Variants in HDAC9 observed in about 807,000 individuals in gnomAD.
HDAC9 encodes the protein MEF-2 interacting transcription repressor (MITR) protein.
HDAC9 carries 41 observed loss-of-function variants against 139.4 expected under a neutral mutation model. The observed-to-expected ratio is 0.29, with a 90% CI of 0.23 to 0.38. The LOEUF is 0.38. HDAC9 is among the 10% of genes least tolerant of loss of function. The pLI, the probability that HDAC9 is intolerant of heterozygous loss-of-function variation, is 1.00. For synonymous variants in HDAC9, 517 were observed against 476.2 expected (o/e 1.09, Z -1.12); for missense variants, 1,147 against 1,297.0 (o/e 0.88, Z 1.78).
At chr7:18,749,705 C>T (rs1424400741) in intron 14 of HDAC9, among the ~76,000 whole-genome samples, 1 of 152,054 alleles carries the variant, frequency 6.6e-6, no homozygotes, top group African/African-American at 2.4e-5. Flanking sequence ...GAAAAATATA[C>T]CTTTTTATGC....
At chr7:18,274,015 C>A (rs947535241) in intron 2 of HDAC9, among the ~76,000 whole-genome samples, 9 of 152,058 alleles carry the variant, frequency 5.9e-5, no homozygotes, top group African/African-American at 1.9e-4. Context: ...GAGAAAATTT[C>A]ACCTATATAT....
chr7:18,856,246 A>G (rs1797668611), intron 21 of HDAC9, among the ~76,000 whole-genome samples: 1 of 152,184 alleles, frequency 6.6e-6, no homozygotes, highest in Non-Finnish European at 1.5e-5. Flanking sequence ...ACTGCAGATC[A>G]AGTCCCTAAA....
At chr7:18,841,772 C>G (rs796735586) in intron 21 of HDAC9, among the ~76,000 whole-genome samples, 2 of 152,206 alleles carry the variant, frequency 1.3e-5, no homozygotes, top group African/African-American at 2.4e-5. Flanking sequence ...AAAATTTAGA[C>G]TTTCACTACC....
chr7:18,866,079 C>G (rs1004980986), intron 21 of HDAC9, among the ~76,000 whole-genome samples: 1 of 147,686 alleles, frequency 6.8e-6, no homozygotes, highest in African/African-American at 2.5e-5. Context: ...AGTGTCCTCA[C>G]AGTGGCCTAC....
chr7:18,619,448 A>G (rs1305883137), intron 6 of HDAC9, among the ~76,000 whole-genome samples: 1 of 152,196 alleles, frequency 6.6e-6, no homozygotes, highest in African/African-American at 2.4e-5. Flanking sequence ...CACAAGATCA[A>G]TGATTACATT....
chr7:18,482,149 A>G (rs1384870082), intron 1 of HDAC9, among the ~76,000 whole-genome samples: 1 of 151,832 alleles, frequency 6.6e-6, no homozygotes, highest in Non-Finnish European at 1.5e-5. Flanking sequence ...AAGGTGATGG[A>G]AAAGATCATA....
At chr7:18,797,566 G>T (rs1457522900) in intron 17 of HDAC9, among the ~76,000 whole-genome samples, 8 of 152,052 alleles carry the variant, frequency 5.3e-5, no homozygotes, top group Non-Finnish European at 8.8e-5. Context: ...AGTGGTTCAT[G>T]CCTGTAATCC....
At chr7:18,175,444 C>G (rs1788810936) in intron 2 of HDAC9, among the ~76,000 whole-genome samples, 1 of 152,196 alleles carries the variant, frequency 6.6e-6, no homozygotes, top group Non-Finnish European at 1.5e-5. Flanking sequence ...CCTGCTTCAG[C>G]TCACCCTCCA....
chr7:18,960,227 C>G (rs1217287963), intron 24 of HDAC9, among the ~76,000 whole-genome samples: 2 of 152,120 alleles, frequency 1.3e-5, no homozygotes, highest in Non-Finnish European at 2.9e-5. Flanking sequence ...AGAGCACACT[C>G]TCACACATTC....
exon 1 of HDAC9, chr7:18,290,488 G>T (rs1057292479): frequency 1.5e-5 from 7 of 456,426 alleles, no homozygotes; most frequent in Non-Finnish European, 8.8e-6. Flanking sequence ...AGCACACTTT[G>T]GCAAAGAGGG....
chr7:18,527,771 G>A (rs866399145), intron 2 of HDAC9, among the ~76,000 whole-genome samples: 1 of 151,858 alleles, frequency 6.6e-6, no homozygotes, highest in African/African-American at 2.4e-5. Flanking sequence ...ATTTTTTCTA[G>A]TTTCAAATCT....
chr7:18,681,145 A>G (rs756768553), intron 12 of HDAC9, among the ~76,000 whole-genome samples: 2 of 152,020 alleles, frequency 1.3e-5, no homozygotes, highest in Admixed American at 6.6e-5. Context: ...TTCTAATTCA[A>G]GCCTTCTTCT....
At chr7:18,762,319 G>C in intron 15 of HDAC9, 42 bp downstream of exon 15, 1 of 1,603,668 alleles carries the variant, frequency 6.2e-7, no homozygotes, top group Non-Finnish European at 8.5e-7. Context: ...GCACATTCCA[G>C]CACTATCATT....
chr7:18,178,795 T>G (rs1054504764), intron 2 of HDAC9, among the ~76,000 whole-genome samples: 1 of 152,232 alleles, frequency 6.6e-6, no homozygotes, highest in East Asian at 1.9e-4. Flanking sequence ...ATACTACGTT[T>G]CTGAGGACCT....
intron 12 of HDAC9, among the ~76,000 whole-genome samples, chr7:18,687,669 C>A (rs1405072622): frequency 6.6e-6 from 1 of 151,676 alleles, no homozygotes; most frequent in Admixed American, 6.6e-5. Flanking sequence ...AAGGAGGTGA[C>A]CTCAAAGACC....
chr7:18,715,570 T>A (rs893588413), intron 12 of HDAC9, among the ~76,000 whole-genome samples: 2 of 152,144 alleles, frequency 1.3e-5, no homozygotes, highest in African/African-American at 4.8e-5. Context: ...TTTAGTAAGA[T>A]GTTTTCTTGG....
chr7:18,656,530 G>T (rs1190791557), intron 11 of HDAC9, among the ~76,000 whole-genome samples: 2 of 151,994 alleles, frequency 1.3e-5, no homozygotes, highest in East Asian at 3.9e-4. Context: ...AGTTTCTGAG[G>T]TCTTGCACAA....
chr7:18,287,061 C>T (rs1797498183), upstream of HDAC9, among the ~76,000 whole-genome samples: 1 of 152,132 alleles, frequency 6.6e-6, no homozygotes, highest in African/African-American at 2.4e-5. Flanking sequence ...TTAACTAGTG[C>T]TTCAGATGAA....
intron 2 of HDAC9, among the ~76,000 whole-genome samples, chr7:18,274,957 A>G (rs1796622087): frequency 6.6e-6 from 1 of 152,138 alleles, no homozygotes; most frequent in Non-Finnish European, 1.5e-5. Flanking sequence ...TTTCTTAGGG[A>G]TGGGGGCTGT....
Sources: gnomAD v4.1 joint callset for allele counts (sites outside exome capture counted in the v4.1 genomes callset) on GRCh38, gnomAD v4.1.1 for gene constraint, MANE v1.5 for transcripts, NCBI Gene and HGNC (gene_info 2026-07-23, HGNC 2026-07-21) for gene names.